The following KALRN variants were observed in gnomAD, a reference collection of about 807,000 sequenced individuals.
The protein encoded by KALRN is kalirin RhoGEF kinase.
In KALRN, 70 loss-of-function variants were observed where a neutral mutation model predicts 353.7. The observed-to-expected ratio is 0.20, with a 90% confidence interval of 0.16 to 0.24. The LOEUF (loss-of-function observed/expected upper bound fraction) is 0.24. Among genes scored for constraint, KALRN ranks in the 10% least tolerant of loss-of-function variants. The pLI is 1.00. For synonymous variants in KALRN, 1,391 were observed against 1,434.8 expected (o/e 0.97, Z 0.69); for missense variants, 2,791 against 3,756.7 (o/e 0.74, Z 6.72).
Position 124,659,351 on chromosome 3 carries a change from T to G in KALRN, c.6124-14T>G, listed in dbSNP as rs1490641228. ...CAGTTCCTTTTTCTTCTAATATTGCTGCCTGTGTTTCAGGAGGTAAAACAG... is the reference window on the plus strand; with the variant it reads ...CAGTTCCTTTTTCTTCTAATATTGCGGCCTGTGTTTCAGGAGGTAAAACAG... On this transcript the variant is annotated splice_polypyrimidine_tract_variant and intron_variant, in intron 42 of 59. Transcript: ENST00000682506. The G allele has an allele frequency of 6.3e-7, 1 of 1,581,364 alleles. No individual in the cohort carries two copies. The highest frequency in any genetic ancestry group is 8.7e-7 in the Non-Finnish European group (1 of 1,150,136).
chr3:124,357,995 A>G (rs1252055483), intron 10 of KALRN, among the ~76,000 whole-genome samples: 1 of 152,148 alleles, frequency 6.6e-6, no homozygotes, highest in Non-Finnish European at 1.5e-5. Context: ...GAATATTTAT[A>G]AGAACACAGG....
At chr3:124,150,902 C>T (rs1004470365) in intron 1 of KALRN, among the ~76,000 whole-genome samples, 1 of 152,178 alleles carries the variant, frequency 6.6e-6, no homozygotes, top group African/African-American at 2.4e-5. Flanking sequence ...ATCTCTGTGG[C>T]AACTCCCAGC....
intron 17 of KALRN, among the ~76,000 whole-genome samples, chr3:124,436,103 G>A (rs1338287156): frequency 6.6e-6 from 1 of 152,224 alleles, no homozygotes; most frequent in Non-Finnish European, 1.5e-5. Flanking sequence ...TTCAATGAGT[G>A]AAGGAAAGTC....
chr3:124,288,989 T>G (rs1401011040), intron 5 of KALRN, among the ~76,000 whole-genome samples: 1 of 152,214 alleles, frequency 6.6e-6, no homozygotes, highest in Non-Finnish European at 1.5e-5. Context: ...TGCCTGAGAC[T>G]AGGTAATTTA....
chr3:124,061,912 A>G (rs968189647), intron 1 of KALRN, among the ~76,000 whole-genome samples: 3 of 148,030 alleles, frequency 2.0e-5, no homozygotes, highest in Admixed American at 1.4e-4. Flanking sequence ...GAAGCAGACT[A>G]TTTATTTAGA....
intron 1 of KALRN, among the ~76,000 whole-genome samples, chr3:124,055,354 G>A (rs550945295): frequency 2.0e-5 from 3 of 152,108 alleles, no homozygotes; most frequent in East Asian, 1.9e-4. Context: ...CCTCTTCCCC[G>A]CTCCTGATGC....
At chr3:124,646,391 CTTTT>C (rs10673161) in intron 37 of KALRN, among the ~76,000 whole-genome samples, 1 of 110,484 alleles carries the variant, frequency 9.1e-6, no homozygotes. Context: ...CTTTTGTTTA[CTTTT>C]TTTTTTTTTT....
At chr3:124,092,016 C>A (rs2061147835) in intron 1 of KALRN, among the ~76,000 whole-genome samples, 1 of 152,120 alleles carries the variant, frequency 6.6e-6, no homozygotes, top group Non-Finnish European at 1.5e-5. Flanking sequence ...TCCAAGGAGC[C>A]CAGCCTGATG....
chr3:124,325,495 C>T (rs778902262), intron 6 of KALRN, among the ~76,000 whole-genome samples: 11 of 152,132 alleles, frequency 7.2e-5, no homozygotes. Flanking sequence ...TACTGTGTCT[C>T]CTTTGCCCTC....
intron 3 of KALRN, among the ~76,000 whole-genome samples, chr3:124,243,737 G>A (rs927932197): frequency 6.6e-6 from 1 of 152,120 alleles, no homozygotes; most frequent in Non-Finnish European, 1.5e-5. Context: ...AAATGCGCAT[G>A]CTTGCTAAAA....
At chr3:124,564,791 G>A (rs1251919919) in intron 34 of KALRN, among the ~76,000 whole-genome samples, 1 of 152,220 alleles carries the variant, frequency 6.6e-6, no homozygotes, top group African/African-American at 2.4e-5. Flanking sequence ...AAGCCTTCCA[G>A]GTGGCTCTGA....
At chr3:124,587,553 G>A (rs967112034) in intron 34 of KALRN, among the ~76,000 whole-genome samples, 1 of 152,158 alleles carries the variant, frequency 6.6e-6, no homozygotes, top group African/African-American at 2.4e-5. Flanking sequence ...TAGGGTCAGA[G>A]TCAAGGATTT....
At position 124,398,765 on chromosome 3, in the gene KALRN, A is replaced by G. The variant is rs369602016; in HGVS notation, c.2240A>G (p.Gln747Arg). ...SSISHIESVLQQLDDAQVQME... is the reference protein window; with the variant it reads ...SSISHIESVLRQLDDAQVQME... ...ATCAGCCACATCGAGTCGGTCCTGC[A>G]GCAGCTTGATGATGCCCAGGTGCAG... The change falls in exon 13 of 60, where the codon CAG (glutamine) becomes CGG (arginine). Residue 747 changes from glutamine to arginine, a missense_variant. By Grantham distance (43) the Gln-to-Arg change is conservative. Around this residue, in one of 11 missense-constraint regions of KALRN, gnomAD observed 452 missense variants for 575.8 expected, o/e 0.78. Coordinates refer to ENST00000682506, the MANE Select transcript of KALRN (RefSeq NM_001388419.1). The G allele has an allele frequency of 1.9e-6, 3 of 1,614,086 alleles. No individual in the cohort carries two copies. Among genetic ancestry groups the G allele is most frequent in the East Asian group, 2.2e-5 (1 of 44,884 alleles).
chr3:124,360,205 T>C (rs914500135), intron 10 of KALRN, among the ~76,000 whole-genome samples: 5 of 152,190 alleles, frequency 3.3e-5, no homozygotes, highest in Admixed American at 2.0e-4. Context: ...ATTCTTGGGG[T>C]ACCTGGTAAG....
chr3:124,281,834 A>T lies in KALRN; in HGVS notation c.969+12579A>T, dbSNP rs954026733. 1.8e-4 allele frequency among the ~76,000 whole-genome samples: 27 copies of T among 152,166 alleles called. 1 individual carries two copies. Among genetic ancestry groups the T allele is most frequent in the Non-Finnish European group, 3.8e-4 (26 of 68,046 alleles). On this transcript the variant is annotated intron_variant, in intron 5 of 59. Coordinates refer to ENST00000682506, the MANE Select transcript of KALRN (RefSeq NM_001388419.1). ...ACCAGAGATACTTAGTGCCAAATAA[A>T]TAGTTGACCGTGACACAGTCTGTAC...
intron 57 of KALRN, among the ~76,000 whole-genome samples, chr3:124,710,867 C>T (rs931505059): frequency 2.8e-4 from 42 of 152,204 alleles, no homozygotes; most frequent in African/African-American, 9.7e-4. Flanking sequence ...GTCTGCATAA[C>T]TTTGACAACT....
intron 1 of KALRN, chr3:124,153,019 CT>C: frequency 4.0e-6 from 1 of 247,582 alleles, no homozygotes; most frequent in African/African-American, 2.3e-5. Flanking sequence ...AATTCCTTCA[CT>C]TTTTCTTAAA....
At chr3:124,254,398 C>G (rs1419819954) in intron 3 of KALRN, among the ~76,000 whole-genome samples, 1 of 126,866 alleles carries the variant, frequency 7.9e-6, no homozygotes, top group African/African-American at 3.3e-5. Context: ...TCTTCAAGAT[C>G]AAGTGTTCTA....
chr3:124,372,308 A>G (rs900410315), intron 10 of KALRN, among the ~76,000 whole-genome samples: 24 of 152,320 alleles, frequency 1.6e-4, no homozygotes, highest in African/African-American at 4.8e-4. Flanking sequence ...GAAATAGTGG[A>G]AAAGAAAATT....
Sources: allele counts gnomAD v4.1 joint callset (sites outside exome capture counted in the v4.1 genomes callset), GRCh38; gene constraint gnomAD v4.1.1; regional missense constraint gnomAD v4.1.1; transcripts MANE v1.5; gene names NCBI Gene and HGNC (gene_info 2026-07-23, HGNC 2026-07-21).